DAO: variants seen among roughly 807,000 people sequenced by gnomAD.
The protein encoded by DAO is D-amino acid oxidase.
Under a neutral mutation model 50.1 loss-of-function variants are expected in DAO, and 51 were observed. The ratio of observed to expected loss-of-function variants is 1.02; its 90% CI spans 0.81 to 1.29. DAO has a LOEUF of 1.29. DAO is among the 50% of genes most tolerant of loss of function. The pLI is 0.00. For missense variants in DAO, 436 were observed against 439.4 expected (o/e 0.99, Z 0.07); for synonymous variants, 160 against 166.2 (o/e 0.96, Z 0.29).
At chr12:108,883,484 A>G (rs1387295722) in intron 1 of DAO, among the ~76,000 whole-genome samples, 1 of 152,116 alleles carries the variant, frequency 6.6e-6, no homozygotes, top group African/African-American at 2.4e-5. Flanking sequence ...TCTTTGTTCT[A>G]TGTGATTTTT....
chr12:108,899,583 G>T (rs1344615922), intron 10 of DAO, 108 bp downstream of exon 10: 1 of 930,122 alleles, frequency 1.1e-6, no homozygotes, highest in East Asian at 2.6e-5. Context: ...AGGCTCCATA[G>T]CAGGCAGGGG....
At chr12:108,890,299 G>C in intron 5 of DAO, 26 bp downstream of exon 5, 1 of 1,590,054 alleles carries the variant, frequency 6.3e-7, no homozygotes, top group Non-Finnish European at 8.6e-7. Flanking sequence ...TCACTTTGAG[G>C]GAGGTACCTC....
At chr12:108,881,856 T>A (rs1221842507) in intron 1 of DAO, among the ~76,000 whole-genome samples, 2 of 152,138 alleles carry the variant, frequency 1.3e-5, no homozygotes. Flanking sequence ...TCTGCCAGCC[T>A]CGACCTCCCA....
intron 7 of DAO, among the ~76,000 whole-genome samples, chr12:108,895,121 G>A (rs1168286566): frequency 6.6e-6 from 1 of 152,146 alleles, no homozygotes; most frequent in Non-Finnish European, 1.5e-5. Flanking sequence ...GAGGAGTTAA[G>A]TAACAGGCAC....
At chr12:108,898,835 CGTGG>C in intron 9 of DAO, 39 bp downstream of exon 9, 3 of 1,421,094 alleles carry the variant, frequency 2.1e-6, no homozygotes, top group Non-Finnish European at 3.0e-6. Context: ...AAACCAAGGT[CGTGG>C]GAGCTTGGTA....
intron 2 of DAO, 77 bp downstream of exon 2, chr12:108,885,277 C>A: frequency 7.3e-7 from 1 of 1,371,982 alleles, no homozygotes; most frequent in Non-Finnish European, 1.0e-6. Flanking sequence ...TTCCCATCAC[C>A]AAGAGCAAGC....
intron 9 of DAO, 41 bp downstream of exon 9, chr12:108,898,837 TG>T: frequency 7.3e-7 from 1 of 1,376,130 alleles, no homozygotes; most frequent in Non-Finnish European, 1.0e-6. Context: ...ACCAAGGTCG[TG>T]GGAGCTTGGT....
chr12:108,897,371 C>A (rs2039571091), intron 8 of DAO, among the ~76,000 whole-genome samples: 1 of 152,192 alleles, frequency 6.6e-6, no homozygotes, highest in African/African-American at 2.4e-5. Context: ...TGCCCACCAC[C>A]ACATCCAGCT....
intron 7 of DAO, among the ~76,000 whole-genome samples, chr12:108,894,707 G>GTGT (rs999930592): frequency 2.0e-5 from 3 of 152,062 alleles, no homozygotes; most frequent in East Asian, 3.9e-4. Flanking sequence ...ATTATTAATT[G>GTGT]TGTTATTATT....
At chr12:108,880,854 A>G (rs755354498) in intron 1 of DAO, among the ~76,000 whole-genome samples, 5 of 152,120 alleles carry the variant, frequency 3.3e-5, no homozygotes, top group South Asian at 2.1e-4. Context: ...ACAAGCAGAA[A>G]GCATCAAGTG....
In DAO at chr12:108,894,333, C is replaced by A. The variant is rs1259635535; in HGVS notation, c.578C>A (p.Pro193His). Residue 193 changes from proline (P) to histidine (H), a missense_variant, in exon 7 of 11, where the codon CCC becomes CAC. Coordinates refer to ENST00000228476, the MANE Select transcript of DAO (RefSeq NM_001917.5). ...TGGGCTGGGGCGCTACAACGAGACC[C>A]CCTGCTGCAGCCAGGCCGGGGGCAG... ...GVWAGALQRD[P>H]LLQPGRGQIM... 1 of 1,613,962 alleles carries A rather than the reference C, an allele frequency of 6.2e-7. No individual in the cohort carries two copies. The highest frequency in any genetic ancestry group is 1.7e-5 in the Admixed American group (1 of 59,994).
intron 5 of DAO, among the ~76,000 whole-genome samples, chr12:108,891,065 C>T (rs1415169176): frequency 1.3e-5 from 2 of 152,204 alleles, no homozygotes; most frequent in Admixed American, 6.5e-5. Context: ...TCGTAATCTG[C>T]CCGCCTCGGC....
chr12:108,898,378 C>T (rs1023534765), intron 8 of DAO: 5 of 402,562 alleles, frequency 1.2e-5, no homozygotes, highest in African/African-American at 2.1e-5. Flanking sequence ...GGCGATGTTA[C>T]TGGTGTCGTG....
At chr12:108,890,399 G>A (rs1004025572) in intron 5 of DAO, 126 bp downstream of exon 5, 1 of 743,522 alleles carries the variant, frequency 1.3e-6, no homozygotes, top group Non-Finnish European at 2.4e-6. Context: ...TAGGCCTGGT[G>A]TGGGAGCTAT....
At position 108,880,239 on chromosome 12, in the gene DAO, C is replaced by T. The variant is rs1448878939; in HGVS notation, c.-10+15C>T. On this transcript the variant is annotated intron_variant, in intron 1 of 10. Transcript: ENST00000228476. ...TGGTACTTCCGGTGAGTGGCAGATG[C>T]ACCTTTGAGCTGGGGACAGGGGTTG... 1 of 422,690 alleles carries T rather than the reference C, an allele frequency of 2.4e-6. No individual in the cohort carries two copies. Among genetic ancestry groups the T allele is most frequent in the South Asian group, 1.7e-5 (1 of 59,172 alleles). 26.2% of individuals were successfully genotyped at this position (422,690 alleles called of 1,614,324 possible). A position where few individuals can be genotyped will look rare whatever the true frequency, so the allele number is the denominator to read the frequency against.
rs368739269 is a variant in DAO at position 108,880,779 on chromosome 12, A to G, written c.-10+555A>G. Among the ~76,000 whole-genome samples, 148 of 152,154 alleles carry G rather than the reference A, an allele frequency of 9.7e-4. 3 individuals carry two copies. Among genetic ancestry groups the G allele is most frequent in the African/African-American group, 3.5e-3 (146 of 41,522 alleles). On this transcript the variant is annotated intron_variant, in intron 1 of 10. Coordinates refer to ENST00000228476, the MANE Select transcript of DAO (RefSeq NM_001917.5). The stretch of plus-strand genomic sequence containing the variant: ...TGGGCACATAGCAATCAAAGGCATC[A>G]GCTGTCTCAGATTGCCTTCTAGGGG...
Position 108,880,270 on chromosome 12 carries a change from G to A in DAO, c.-10+46G>A, listed in dbSNP as rs2070585. On this transcript the variant is annotated intron_variant, in intron 1 of 10. Coordinates refer to ENST00000228476, the MANE Select transcript of DAO (RefSeq NM_001917.5). ...TGAGCTGGGGACAGGGGTTGGGAGA[G>A]GGGAGAGGCAAAGGATTTCATGTCC... is the stretch of plus-strand genomic sequence containing the variant. The A allele has an allele frequency of 2.6e-3, 1,021 of 385,468 alleles. 19 individuals are homozygous for A. The East Asian group carries it at 0.055, about 21-fold the overall frequency. The allele number at this position is 385,468 out of a possible 1,614,324, so 23.9% of individuals were successfully genotyped here.
Position 108,880,111 on chromosome 12 carries a change from C to T in DAO, c.-123C>T, listed in dbSNP as rs780910780. On this transcript the variant is annotated 5_prime_UTR_variant, in exon 1 of 11. Coordinates refer to ENST00000228476, the MANE Select transcript of DAO (RefSeq NM_001917.5). ...GACCCTGCACTCCAGTCCGGGCTGG[C>T]GGACAGAGGGCTGGAAACAAGACGC... 8 of 456,530 alleles carry T rather than the reference C, an allele frequency of 1.8e-5. No homozygotes were observed. The highest frequency in any genetic ancestry group is 6.9e-5 in the East Asian group (1 of 14,398). 28.3% of individuals were successfully genotyped at this position (456,530 alleles called of 1,614,324 possible).
Position 108,894,359 on chromosome 12 carries a change from A to G in DAO, c.604A>G (p.Ile202Val), listed in dbSNP as rs750170054. 1.2e-6 allele frequency: 2 copies of G among 1,613,138 alleles called. No homozygotes were observed. The highest frequency in any genetic ancestry group is 1.7e-6 in the Non-Finnish European group (2 of 1,179,290). The change falls in exon 7 of 11, where the codon ATC (isoleucine) becomes GTC (valine). Residue 202 changes from isoleucine to valine, a missense_variant. By Grantham distance (29) the Ile-to-Val change is conservative. Coordinates refer to ENST00000228476, the MANE Select transcript of DAO (RefSeq NM_001917.5). ...CCTGCTGCAGCCAGGCCGGGGGCAG[A>G]TCATGAAGGTGAGTGTGAGGGTGAG... ...DPLLQPGRGQ[I>V]MKVDAPWMKH...
Sources: allele counts gnomAD v4.1 joint callset (sites outside exome capture counted in the v4.1 genomes callset), GRCh38; gene constraint gnomAD v4.1.1; transcripts MANE v1.5; gene names NCBI Gene and HGNC (gene_info 2026-07-23, HGNC 2026-07-21).